MORC1: variants seen among roughly 807,000 people sequenced by gnomAD.
MORC1 encodes the protein MORC family CW-type zinc finger protein 1.
In MORC1, 59 loss-of-function variants were observed where a neutral mutation model predicts 134.9. That is an observed-to-expected ratio of 0.44 (90% CI 0.35 to 0.54). The LOEUF is 0.54. MORC1 is among the 20% of genes least tolerant of loss of function. The pLI, the probability that MORC1 is intolerant of heterozygous loss-of-function variation, is 0.00. For missense variants in MORC1, 947 were observed against 1,134.5 expected (o/e 0.83, Z 2.37); for synonymous variants, 395 against 391.7 (o/e 1.01, Z -0.10).
intron 8 of MORC1, among the ~76,000 whole-genome samples, chr3:109,086,021 A>G (rs1950609593): frequency 6.6e-6 from 1 of 152,122 alleles, no homozygotes; most frequent in Non-Finnish European, 1.5e-5. Context: ...GTTCTCATTC[A>G]TATGTAGGAG....
At chr3:109,106,064 C>G (rs1377813696) in intron 3 of MORC1, among the ~76,000 whole-genome samples, 5 of 152,318 alleles carry the variant, frequency 3.3e-5, no homozygotes, top group African/African-American at 1.2e-4. Context: ...GGCAGTAGCT[C>G]TCAATCTTGG....
In MORC1 at chr3:108,977,853, A is replaced by G. The variant is rs184072226; in HGVS notation, c.2477+1662T>C. On this transcript the variant is annotated intron_variant, in intron 24 of 27. Coordinates refer to ENST00000232603, the MANE Select transcript of MORC1 (RefSeq NM_014429.4). ...TTATACTGTAAGCTACAGCAGTATA[A>G]TACTGACATCTATCTAGATCATTGG... 2.4e-4 allele frequency among the ~76,000 whole-genome samples: 36 copies of G among 152,280 alleles called. No individual in the cohort carries two copies. In the East Asian group the frequency reaches 6.6e-3, roughly 28 times the overall value.
intron 17 of MORC1, among the ~76,000 whole-genome samples, chr3:109,025,967 C>T (rs1428173870): frequency 6.6e-6 from 1 of 152,150 alleles, no homozygotes; most frequent in African/African-American, 2.4e-5. Flanking sequence ...CCCCTGCTCT[C>T]ACAGAACTTA....
At chr3:109,021,354 C>T (rs1948953049) in intron 17 of MORC1, among the ~76,000 whole-genome samples, 1 of 152,184 alleles carries the variant, frequency 6.6e-6, no homozygotes, top group African/African-American at 2.4e-5. Flanking sequence ...TTTCAGGCAA[C>T]ACATCTGAAC....
chr3:109,111,050 T>TAAAAAAAAAAAAAAAAAAAAAAAA (rs11344763), intron 2 of MORC1, among the ~76,000 whole-genome samples: 1 of 113,864 alleles, frequency 8.8e-6, no homozygotes, highest in Admixed American at 9.3e-5. Context: ...GGATATAATT[T>TAAAAAAAAAAAAAAAAAAAAAAAA]AAAAAAAAAA....
intron 8 of MORC1, among the ~76,000 whole-genome samples, chr3:109,084,945 T>G (rs1011487481): frequency 6.6e-6 from 1 of 152,118 alleles, no homozygotes; most frequent in Non-Finnish European, 1.5e-5. Context: ...AATATACATA[T>G]GCAGAAGAAT....
intron 14 of MORC1, among the ~76,000 whole-genome samples, chr3:109,039,905 A>AT (rs1276357120): frequency 6.6e-6 from 1 of 151,800 alleles, no homozygotes; most frequent in Non-Finnish European, 1.5e-5. Flanking sequence ...ACCTCCTTTC[A>AT]TTTATCTCCT....
intron 8 of MORC1, among the ~76,000 whole-genome samples, chr3:109,080,466 T>G (rs1950501593): frequency 2.0e-5 from 3 of 152,140 alleles, no homozygotes; most frequent in Admixed American, 2.0e-4. Flanking sequence ...ACAGCCAAAC[T>G]ATCACCATAA....
At chr3:109,056,323 G>A (rs902773769) in intron 13 of MORC1, among the ~76,000 whole-genome samples, 6 of 152,154 alleles carry the variant, frequency 3.9e-5, no homozygotes, top group Admixed American at 1.3e-4. Context: ...TGCCTCCCGG[G>A]TTCATGCCAT....
At chr3:108,992,051 T>C (rs1948079376) in intron 21 of MORC1, among the ~76,000 whole-genome samples, 1 of 152,182 alleles carries the variant, frequency 6.6e-6, no homozygotes, top group Admixed American at 6.6e-5. Flanking sequence ...AAACAAAATA[T>C]CCATGATTAA....
At chr3:109,040,427 G>GGAAGGAAAGAAA (rs1248788787) in intron 14 of MORC1, among the ~76,000 whole-genome samples, 49 of 48,388 alleles carry the variant, frequency 1.0e-3, no homozygotes, top group Middle Eastern at 0.01. Context: ...AAGGAAGGAA[G>GGAAGGAAAGAAA]GAAAGAAAGA....
In MORC1 at chr3:108,988,985, C is replaced by T. The variant is rs561603388; in HGVS notation, c.2188-2036G>A. Reference sequence around the variant, plus strand: ...GAAAAATTTCTTTTATTTTCCTTTGCTGTATTATCTTTATTCTGATGTTTA... The same window carrying T: ...GAAAAATTTCTTTTATTTTCCTTTGTTGTATTATCTTTATTCTGATGTTTA... On this transcript the variant is annotated intron_variant, in intron 21 of 27. Transcript: ENST00000232603. Among the ~76,000 whole-genome samples, 12 of 152,174 alleles carry T rather than the reference C, an allele frequency of 7.9e-5. No homozygotes were observed. In the East Asian group the frequency reaches 2.1e-3, roughly 27 times the overall value.
chr3:109,022,850 A>G (rs1436350652), intron 17 of MORC1, among the ~76,000 whole-genome samples: 1 of 152,232 alleles, frequency 6.6e-6, no homozygotes, highest in East Asian at 1.9e-4. Context: ...AAAGATGAAG[A>G]GAAATAGTCC....
At chr3:109,034,891 G>T (rs1949338120) in intron 15 of MORC1, among the ~76,000 whole-genome samples, 1 of 152,066 alleles carries the variant, frequency 6.6e-6, no homozygotes, top group African/African-American at 2.4e-5. Flanking sequence ...TGCGACCACA[G>T]GTGTGCACTA....
At chr3:109,031,362 AG>A (rs1949237196) in intron 16 of MORC1, among the ~76,000 whole-genome samples, 1 of 152,208 alleles carries the variant, frequency 6.6e-6, no homozygotes, top group South Asian at 2.1e-4. Flanking sequence ...GCTTAGTTAA[AG>A]GGAGGTTATG....
chr3:108,996,255 T>TGC (rs1298521844), intron 21 of MORC1, among the ~76,000 whole-genome samples: 2 of 122,126 alleles, frequency 1.6e-5, no homozygotes, highest in Non-Finnish European at 3.7e-5. Flanking sequence ...TACACATGCC[T>TGC]GTGCACATGT....
intron 26 of MORC1, 84 bp downstream of exon 26, chr3:108,969,585 C>G: frequency 7.3e-7 from 1 of 1,370,992 alleles, no homozygotes; most frequent in Non-Finnish European, 1.0e-6. Context: ...CCTTTCAAAC[C>G]TAACATTTGG....
At chr3:109,085,087 T>C (rs1000651223) in intron 8 of MORC1, among the ~76,000 whole-genome samples, 3 of 151,924 alleles carry the variant, frequency 2.0e-5, no homozygotes, top group East Asian at 1.9e-4. Context: ...CTCCAGGAAA[T>C]TGATCTGGGC....
intron 8 of MORC1, among the ~76,000 whole-genome samples, chr3:109,074,245 G>C (rs1425796604): frequency 6.6e-6 from 1 of 152,170 alleles, no homozygotes; most frequent in Non-Finnish European, 1.5e-5. Flanking sequence ...GCGGATTTCA[G>C]GGATGTGGCA....
Sources: allele counts gnomAD v4.1 joint callset (sites outside exome capture counted in the v4.1 genomes callset), GRCh38; gene constraint gnomAD v4.1.1; transcripts MANE v1.5; gene names NCBI Gene and HGNC (gene_info 2026-07-23, HGNC 2026-07-21).